Variants in KCNA6 observed in about 807,000 individuals in gnomAD.
KCNA6 encodes human brain potassium channel-2.
Under a neutral mutation model 29.5 loss-of-function variants are expected in KCNA6, and 17 were observed. The ratio of observed to expected loss-of-function variants is 0.58; its 90% confidence interval spans 0.39 to 0.86. KCNA6 has a LOEUF of 0.86. KCNA6 is among the 40% of genes least tolerant of loss of function. KCNA6 has a pLI of 0.00. For missense variants in KCNA6, 450 were observed against 703.4 expected, an observed-to-expected ratio of 0.64 and a Z score of 4.07; for synonymous variants, 296 against 304.7, an observed-to-expected ratio of 0.97 and a Z score of 0.30.
At chr12:4,844,178 A>G in the KCNA6 span, among the ~76,000 whole-genome samples, 1 of 152,246 alleles carries the variant, frequency 6.6e-6, no homozygotes, top group Admixed American at 6.5e-5. The surrounding 1 kb of genome is among the most constrained non-coding windows in gnomAD (Gnocchi z 4.0). Context: ...CCATGGATGC[A>G]TCGGCAAACA....
the KCNA6 span, among the ~76,000 whole-genome samples, chr12:4,838,336 C>A: frequency 1.3e-5 from 2 of 152,192 alleles, no homozygotes; most frequent in Admixed American, 1.3e-4. Flanking sequence ...CCTCGTGGCT[C>A]CTGGCTTGTC....
the KCNA6 span, among the ~76,000 whole-genome samples, chr12:4,834,972 T>C: frequency 6.6e-6 from 1 of 152,186 alleles, no homozygotes; most frequent in Non-Finnish European, 1.5e-5. Context: ...TTTTGAGGAC[T>C]GACCTAAGGC....
At chr12:4,847,992 T>A in the KCNA6 span, among the ~76,000 whole-genome samples, 1 of 152,202 alleles carries the variant, frequency 6.6e-6, no homozygotes, top group African/African-American at 2.4e-5. Context: ...AGTGGCCAAC[T>A]GTCTCACCAT....
Position 4,810,087 on chromosome 12 carries a change from C to G in KCNA6, c.46C>G (p.Arg16Gly). 1.3e-6 allele frequency: 2 copies of G among 1,559,090 alleles called. No individual in the cohort carries two copies. The highest frequency in any genetic ancestry group is 1.7e-6 in the Non-Finnish European group (2 of 1,154,960). Reference sequence around the variant, plus strand: ...TACGCTGGCGGCGCCGGGGGAGGTCCGTGGGCCGGAGGGAGAGCAACAGGA... The same window carrying G: ...TACGCTGGCGGCGCCGGGGGAGGTCGGTGGGCCGGAGGGAGAGCAACAGGA... Residue 16 changes from arginine (R) to glycine (G), a missense_variant, in exon 1 of 1, where the codon CGT (arginine) becomes GGT (glycine). This residue lies in a region of KCNA6 where 72 missense variants were observed against 64.2 expected (regional missense o/e 1.12). Transcript: ENST00000280684. The surrounding 1 kb of genome is among the most constrained non-coding windows in gnomAD (Gnocchi z 7.5).
At chr12:4,842,029 G>A in the KCNA6 span, among the ~76,000 whole-genome samples, 1 of 147,292 alleles carries the variant, frequency 6.8e-6, no homozygotes, top group Non-Finnish European at 1.5e-5. Flanking sequence ...GTGTGTGTGT[G>A]TGTGTGTGTG....
the KCNA6 span, among the ~76,000 whole-genome samples, chr12:4,830,756 G>T: frequency 6.6e-6 from 1 of 152,358 alleles, no homozygotes; most frequent in South Asian, 2.1e-4. Flanking sequence ...CTGTCCCTGG[G>T]CTGCTTGGGC....
the KCNA6 span, among the ~76,000 whole-genome samples, chr12:4,827,194 T>TTCGTTCCC: frequency 3.6e-5 from 2 of 54,840 alleles, no homozygotes; most frequent in African/African-American, 1.5e-4. Context: ...CCCTCCTTCC[T>TTCGTTCCC]TCCTTCCTTC....
the KCNA6 span, among the ~76,000 whole-genome samples, chr12:4,841,984 A>G: frequency 8.6e-6 from 1 of 115,910 alleles, no homozygotes; most frequent in South Asian, 2.4e-4. Context: ...TAAATGAAAC[A>G]AAAGATTTCT....
the KCNA6 span, among the ~76,000 whole-genome samples, chr12:4,831,785 T>C: frequency 6.6e-6 from 1 of 152,194 alleles, no homozygotes; most frequent in African/African-American, 2.4e-5. Context: ...GAAGAAATGA[T>C]AGTTCTTGCA....
At chr12:4,845,076 C>T in the KCNA6 span, among the ~76,000 whole-genome samples, 1 of 152,186 alleles carries the variant, frequency 6.6e-6, no homozygotes, top group African/African-American at 2.4e-5. Flanking sequence ...CACTGTCTTG[C>T]CTGCTTTCTC....
downstream of KCNA6, chr12:4,814,171 A>G (rs1946659697): frequency 6.0e-6 from 1 of 167,102 alleles, no homozygotes. The surrounding 1 kb of genome is among the most constrained non-coding windows in gnomAD (Gnocchi z 4.6). Flanking sequence ...CCACCCAGTC[A>G]TTGAAGCTGC....
downstream of KCNA6, chr12:4,814,762 GCTCGC>G (rs1946665979): frequency 6.0e-6 from 1 of 167,136 alleles, no homozygotes; most frequent in Non-Finnish European, 1.5e-5. The surrounding 1 kb of genome is among the most constrained non-coding windows in gnomAD (Gnocchi z 4.6). Flanking sequence ...AGGAGGGACA[GCTCGC>G]CTTCTTTGCA....
At chr12:4,823,482 T>C in the KCNA6 span, among the ~76,000 whole-genome samples, 1 of 151,884 alleles carries the variant, frequency 6.6e-6, no homozygotes, top group Admixed American at 6.6e-5. Context: ...AAACGGGAAT[T>C]CCGGCTGGGT....
chr12:4,818,307 G>A (rs945708285), downstream of KCNA6, among the ~76,000 whole-genome samples: 24 of 152,164 alleles, frequency 1.6e-4, no homozygotes, highest in African/African-American at 5.6e-4. Flanking sequence ...TTCAGACATC[G>A]TGCGATTTAA....
the KCNA6 span, among the ~76,000 whole-genome samples, chr12:4,830,522 G>C: frequency 1.3e-5 from 2 of 151,808 alleles, no homozygotes; most frequent in Non-Finnish European, 2.9e-5. Flanking sequence ...AGCTTAACAA[G>C]GTGGCCAGCG....
the KCNA6 span, among the ~76,000 whole-genome samples, chr12:4,840,227 C>CTA: frequency 0.31 from 17,925 of 57,538 alleles, 1,336 homozygotes; most frequent in South Asian, 0.36. Context: ...ATCTATCTAT[C>CTA]TATCTATCTA....
At chr12:4,835,785 C>A in the KCNA6 span, among the ~76,000 whole-genome samples, 1 of 152,154 alleles carries the variant, frequency 6.6e-6, no homozygotes, top group Non-Finnish European at 1.5e-5. Context: ...ATATGTGTAC[C>A]CCGACCTGCT....
chr12:4,836,142 C>G, the KCNA6 span, among the ~76,000 whole-genome samples: 5 of 147,274 alleles, frequency 3.4e-5, no homozygotes, highest in Non-Finnish European at 7.4e-5. Context: ...TAGAGACGGG[C>G]TTTCACCATG....
the KCNA6 span, among the ~76,000 whole-genome samples, chr12:4,845,800 A>G: frequency 6.6e-6 from 1 of 152,102 alleles, no homozygotes; most frequent in East Asian, 1.9e-4. Flanking sequence ...AAACATTTCA[A>G]TAAGGCTTAT....
Sources: gnomAD v4.1 joint callset for allele counts (sites outside exome capture counted in the v4.1 genomes callset) on GRCh38, gnomAD v4.1.1 for gene constraint, gnomAD v4.1.1 regional missense constraint, Gnocchi (gnomAD v3.1) non-coding constraint, MANE v1.5 for transcripts, NCBI Gene and HGNC (gene_info 2026-07-23, HGNC 2026-07-21) for gene names.